The following NFIC variants were observed in gnomAD, a reference collection of about 807,000 sequenced individuals.
NFIC encodes nuclear factor I C.
A neutral mutation model predicts 54.4 loss-of-function variants in NFIC; 12 were observed. The ratio of observed to expected loss-of-function variants is 0.22; its 90% confidence interval spans 0.14 to 0.36. The LOEUF is 0.36. Among genes scored for constraint, NFIC ranks in the 10% least tolerant of loss-of-function variants. The pLI, the probability that NFIC is intolerant of heterozygous loss-of-function variation, is 1.00. For synonymous variants in NFIC, 322 were observed against 319.2 expected (o/e 1.01, Z -0.09); for missense variants, 575 against 718.2 (o/e 0.80, Z 2.28).
intron 2 of NFIC, among the ~76,000 whole-genome samples, chr19:3,412,274 G>T: frequency 6.6e-6 from 1 of 152,072 alleles, no homozygotes; most frequent in East Asian, 1.9e-4. Flanking sequence ...TAGAGATGGG[G>T]TCTTGCTCTG....
chr19:3,363,260 TATATATATA>T (rs1161988634), upstream of NFIC, among the ~76,000 whole-genome samples: 710 of 76,518 alleles, frequency 9.3e-3, 12 homozygotes, highest in Admixed American at 0.014. Flanking sequence ...TATATATATA[TATATATATA>T]TTTTTTTTTT....
intron 3 of NFIC, among the ~76,000 whole-genome samples, chr19:3,429,621 G>C (rs1183227810): frequency 6.6e-6 from 1 of 152,082 alleles, no homozygotes; most frequent in Non-Finnish European, 1.5e-5. Flanking sequence ...AGGGGGACTG[G>C]CGGGGGTTTG....
At chr19:3,414,814 T>C (rs1173902050) in intron 2 of NFIC, among the ~76,000 whole-genome samples, 1 of 151,274 alleles carries the variant, frequency 6.6e-6, no homozygotes, top group African/African-American at 2.4e-5. Flanking sequence ...CTTAGTTTGT[T>C]TTTTTGTTTT....
intron 2 of NFIC, among the ~76,000 whole-genome samples, chr19:3,424,293 G>A (rs1013227423): frequency 3.3e-5 from 5 of 152,074 alleles, no homozygotes; most frequent in Admixed American, 1.3e-4. Flanking sequence ...CTCCCAAAGT[G>A]CTGGGATTAC....
At chr19:3,384,296 G>A (rs2081258550) in intron 2 of NFIC, among the ~76,000 whole-genome samples, 1 of 151,724 alleles carries the variant, frequency 6.6e-6, no homozygotes, top group Non-Finnish European at 1.5e-5. Context: ...CAAACTCCTG[G>A]GCTCAAGCCA....
intron 2 of NFIC, among the ~76,000 whole-genome samples, chr19:3,415,467 A>T (rs1438508841): frequency 6.6e-6 from 1 of 152,048 alleles, no homozygotes; most frequent in Non-Finnish European, 1.5e-5. Flanking sequence ...TGTTCTACAC[A>T]GGTCAGGTCT....
chr19:3,387,374 C>T (rs1056051181), intron 2 of NFIC, among the ~76,000 whole-genome samples: 3 of 152,162 alleles, frequency 2.0e-5, no homozygotes, highest in East Asian at 1.9e-4. Flanking sequence ...TGGTGGCGGG[C>T]GTCTGTAGTA....
chr19:3,454,887 C>A (rs1306259260), intron 9 of NFIC, among the ~76,000 whole-genome samples: 1 of 152,152 alleles, frequency 6.6e-6, no homozygotes, highest in African/African-American at 2.4e-5. Flanking sequence ...GGCTGCCTGC[C>A]CATAAAAACC....
At position 3,467,860 on chromosome 19, in the gene NFIC, C is replaced by T. The variant is rs1232183000; in HGVS notation, c.*5091C>T. 6.7e-6 allele frequency: 1 copy of T among 148,360 alleles called. No individual in the cohort carries two copies. The highest frequency in any genetic ancestry group is 2.5e-5 in the African/African-American group (1 of 39,558). The allele number at this position is 148,360 out of a possible 1,614,324, so 9.2% of individuals were successfully genotyped here. ...TTGTATCTTGGTCTGGATTCTCTCT[C>T]TGAGACCCCGGATTTTACTTTCTCT... On this transcript the variant is annotated 3_prime_UTR_variant, in exon 11 of 11. Coordinates refer to ENST00000443272, the MANE Select transcript of NFIC (RefSeq NM_001245002.2).
intron 2 of NFIC, among the ~76,000 whole-genome samples, chr19:3,408,959 T>G (rs1278339855): frequency 1.3e-5 from 2 of 152,088 alleles, no homozygotes; most frequent in African/African-American, 4.8e-5. Context: ...CTCGAACTCC[T>G]TGCCTCAAGT....
intron 3 of NFIC, among the ~76,000 whole-genome samples, chr19:3,429,191 A>C (rs2082077919): frequency 1.5e-5 from 2 of 130,162 alleles, no homozygotes; most frequent in African/African-American, 6.0e-5. Context: ...CAGGAGTTCA[A>C]GACCAGCCTG....
At position 3,429,253 on chromosome 19, in the gene NFIC, T is replaced by TACACACACACACACACAC. The variant is rs57948823; in HGVS notation, c.634+4101_634+4118dup. The stretch of plus-strand genomic sequence containing the variant: ...CCCCAAAAAAAAAAAAAAAAATATA[T>TACACACACACACACACAC]ACACACACACACACACACACACACA... On this transcript the variant is annotated intron_variant, in intron 3 of 10. Transcript: ENST00000443272. Among the ~76,000 whole-genome samples, 282 of 50,748 alleles carry TACACACACACACACACAC rather than the reference T, an allele frequency of 5.6e-3. 17 individuals are homozygous for TACACACACACACACACAC. The highest frequency in any genetic ancestry group is 7.0e-3 in the Non-Finnish European group (212 of 30,336). 33.3% of individuals were successfully genotyped at this position (50,748 alleles called of 152,430 possible).
intron 9 of NFIC, chr19:3,454,213 G>A: frequency 8.2e-7 from 1 of 1,217,816 alleles, no homozygotes; most frequent in Non-Finnish European, 1.0e-6. Context: ...ACCCTCCCTG[G>A]TATGTCAGGC....
intron 9 of NFIC, among the ~76,000 whole-genome samples, chr19:3,455,163 C>T (rs1000332185): frequency 4.6e-5 from 7 of 152,240 alleles, no homozygotes; most frequent in African/African-American, 7.2e-5. Flanking sequence ...GTCATTCTTG[C>T]CGGCTGTCCC....
chr19:3,392,317 C>A (rs1312483511), intron 2 of NFIC, among the ~76,000 whole-genome samples: 1 of 152,148 alleles, frequency 6.6e-6, no homozygotes, highest in East Asian at 1.9e-4. Flanking sequence ...GGTGATCTAC[C>A]TGCCTTGGCC....
chr19:3,444,150 C>G (rs1418804245), intron 6 of NFIC, among the ~76,000 whole-genome samples: 1 of 122,648 alleles, frequency 8.2e-6, no homozygotes, highest in Non-Finnish European at 1.8e-5. Flanking sequence ...ATGGCTGCTC[C>G]GACGGGGTGA....
intron 1 of NFIC, among the ~76,000 whole-genome samples, chr19:3,376,712 G>A (rs1238479821): frequency 6.6e-6 from 1 of 151,994 alleles, no homozygotes; most frequent in South Asian, 2.1e-4. Context: ...CCAGTGAGAC[G>A]CCTGTCTTTT....
In NFIC at chr19:3,381,779, A is replaced by G; in HGVS notation, c.98A>G (p.Asn33Ser). 1 of 1,613,932 alleles carries G rather than the reference A, an allele frequency of 6.2e-7. No homozygotes were observed. The highest frequency in any genetic ancestry group is 8.5e-7 in the Non-Finnish European group (1 of 1,179,952). Residue 33 changes from asparagine (N) to serine (S), a missense_variant, in exon 2 of 11, where the codon AAC becomes AGC. By Grantham distance (46) the Asn-to-Ser change is conservative. This residue lies in a region of NFIC where 122 missense variants were observed against 158.0 expected (regional missense o/e 0.77). Transcript: ENST00000443272. ...HVRAFAYTWFNLQARKRKYFK... is the reference protein window; with the variant it reads ...HVRAFAYTWFSLQARKRKYFK... Reference sequence around the variant, plus strand: ...CGCGCCTTCGCCTACACCTGGTTCAACCTGCAGGCGCGGAAGCGCAAGTAC... The same window carrying G: ...CGCGCCTTCGCCTACACCTGGTTCAGCCTGCAGGCGCGGAAGCGCAAGTAC...
rs113709966 is a variant in NFIC at position 3,444,913 on chromosome 19, G to A, written c.959-4101G>A. Among the ~76,000 whole-genome samples, 29 of 152,152 alleles carry A rather than the reference G, an allele frequency of 1.9e-4. No homozygotes were observed. In the East Asian group the frequency reaches 2.3e-3, roughly 12 times the overall value. On this transcript the variant is annotated intron_variant, in intron 6 of 10. Coordinates refer to ENST00000443272, the MANE Select transcript of NFIC (RefSeq NM_001245002.2). ...CATGCTTGCAGACCTGTACGTGTGC[G>A]TGCAAGCACACATACATAGACATGA...
Sources: allele counts gnomAD v4.1 joint callset (sites outside exome capture counted in the v4.1 genomes callset), GRCh38; gene constraint gnomAD v4.1.1; regional missense constraint gnomAD v4.1.1; transcripts MANE v1.5; gene names NCBI Gene and HGNC (gene_info 2026-07-23, HGNC 2026-07-21).